The following SLC34A2 variants were observed in gnomAD, a reference collection of about 807,000 sequenced individuals.
The protein encoded by SLC34A2 is solute carrier family 34 member 2, also known as sodium-dependent phosphate transport protein 2B.
A neutral mutation model predicts 50.8 loss-of-function variants in SLC34A2; 41 were observed. The ratio of observed to expected loss-of-function variants is 0.81; its 90% CI spans 0.63 to 1.05. SLC34A2 has a LOEUF of 1.05. Ranked by LOEUF, SLC34A2 falls within the 50% of genes least tolerant of loss-of-function variation. The pLI is 0.00. For missense variants in SLC34A2, 879 were observed against 876.7 expected (o/e 1.00, Z -0.03); for synonymous variants, 401 against 364.2 (o/e 1.10, Z -1.15).
intron 12 of SLC34A2, 52 bp from the exon 13 acceptor site, chr4:25,676,083 C>T (rs1357315923): frequency 2.5e-6 from 4 of 1,608,418 alleles, no homozygotes; most frequent in Non-Finnish European, 2.5e-6. Flanking sequence ...CTCCCTACTG[C>T]CACCCGCATT....
Position 25,664,708 on chromosome 4 carries a change from G to A in SLC34A2, c.379+378G>A, listed in dbSNP as rs138896130. Among the ~76,000 whole-genome samples, 8 of 152,264 alleles carry A rather than the reference G, an allele frequency of 5.3e-5. No homozygotes were observed. The East Asian group carries it at 1.2e-3, about 22-fold the overall frequency. On this transcript the variant is annotated intron_variant, in intron 4 of 12. Transcript: ENST00000382051. Reference sequence around the variant, plus strand: ...AGAAAGAGTGCCCTTTCAAATATGGGCCCTTGCTGGGGGAAGGACAGGGCC... The same window carrying A: ...AGAAAGAGTGCCCTTTCAAATATGGACCCTTGCTGGGGGAAGGACAGGGCC...
chr4:25,660,948 T>C (rs963050772), intron 1 of SLC34A2, among the ~76,000 whole-genome samples: 1 of 152,224 alleles, frequency 6.6e-6, no homozygotes, highest in Non-Finnish European at 1.5e-5. Context: ...CAAGGACTAA[T>C]TGTCTAATGT....
intron 8 of SLC34A2, 35 bp from the exon 9 acceptor site, chr4:25,671,566 C>G: frequency 6.2e-7 from 1 of 1,614,030 alleles, no homozygotes; most frequent in Non-Finnish European, 8.5e-7. Flanking sequence ...CACTAAAAGC[C>G]AGTGTTGTGG....
Position 25,676,522 on chromosome 4 carries a change from A to C in SLC34A2, c.1846A>C (p.Met616Leu). ...VVSKFTGCFQMRCCCCCRVCC... is the reference protein window; with the variant it reads ...VVSKFTGCFQLRCCCCCRVCC... ...CTCCAAGTTCACCGGCTGCTTCCAGATGCGCTGCTGCTGCTGCTGCCGCGT... is the reference window on the plus strand; with the variant it reads ...CTCCAAGTTCACCGGCTGCTTCCAGCTGCGCTGCTGCTGCTGCTGCCGCGT... The change falls in exon 13 of 13, where the codon ATG becomes CTG. Residue 616 changes from methionine to leucine, a missense_variant. Transcript: ENST00000382051. 6.2e-7 allele frequency: 1 copy of C among 1,613,940 alleles called. No individual in the cohort carries two copies. Among genetic ancestry groups the C allele is most frequent in the Non-Finnish European group, 8.5e-7 (1 of 1,179,922 alleles).
chr4:25,664,624 A>T (rs1714392624), intron 4 of SLC34A2, among the ~76,000 whole-genome samples: 1 of 152,254 alleles, frequency 6.6e-6, no homozygotes, highest in African/African-American at 2.4e-5. Context: ...AAGTTGTCTG[A>T]CATACAGACT....
Position 25,664,326 on chromosome 4 carries a change from T to A in SLC34A2, c.375T>A (p.Val125=). The change falls in exon 4 of 13, where the codon GTT becomes GTA. Residue 125 remains valine (V), a synonymous_variant. Transcript: ENST00000382051. The part of the protein sequence containing the change: ...LDILSSAFQL[V]GGKMAGQFFS... ...TTCTTAGTAGCGCCTTCCAGCTGGT[T>A]GGAGGTAAGAATGAAAGGGTGAGAG... The A allele has an allele frequency of 6.2e-7, 1 of 1,614,022 alleles. No homozygotes were observed. The highest frequency in any genetic ancestry group is 1.1e-5 in the South Asian group (1 of 91,074).
At chr4:25,669,987 C>T in intron 7 of SLC34A2, 145 bp downstream of exon 7, 1 of 798,898 alleles carries the variant, frequency 1.3e-6, no homozygotes, top group South Asian at 1.5e-5. Flanking sequence ...CTTTGGGAGG[C>T]CGAGGCAGGT....
In SLC34A2 at chr4:25,657,090, G is replaced by A. The variant is rs28559621; in HGVS notation, c.-4+1200G>A. The stretch of plus-strand genomic sequence containing the variant: ...ATTTGGGGAATGGGTGATAAGAAAG[G>A]CGTGCTTTGTAAAAGGTTTGGATGC... On this transcript the variant is annotated intron_variant, in intron 1 of 12. Transcript: ENST00000382051. Among the ~76,000 whole-genome samples, 475 of 152,226 alleles carry A rather than the reference G, an allele frequency of 3.1e-3. 4 individuals are homozygous for A. Among genetic ancestry groups the A allele is most frequent in the African/African-American group, 0.011 (456 of 41,526 alleles).
rs557688213 is a variant in SLC34A2, at chr4:25,664,029, C to T, written c.251-173C>T. ...GCGGTAACTGCTTTGAAAGCTGCAGCGATGGCTGCTTCCCATCTGTAAGGC... is the reference window on the plus strand; with the variant it reads ...GCGGTAACTGCTTTGAAAGCTGCAGTGATGGCTGCTTCCCATCTGTAAGGC... On this transcript the variant is annotated intron_variant, in intron 3 of 12. Transcript: ENST00000382051. Among the ~76,000 whole-genome samples, 9 of 152,314 alleles carry T rather than the reference C, an allele frequency of 5.9e-5. No individual in the cohort carries two copies. In the South Asian group the frequency reaches 1.4e-3, roughly 25 times the overall value.
rs4697597 is a variant in SLC34A2 at position 25,662,622 on chromosome 4, G to T, written c.112+10G>T. 4.3e-6 allele frequency: 7 copies of T among 1,613,818 alleles called. No individual in the cohort carries two copies. Among genetic ancestry groups the T allele is most frequent in the Non-Finnish European group, 5.9e-6 (7 of 1,179,950 alleles). Reference sequence around the variant, plus strand: ...AAAGAGACCAACAAAAGTAAGTGTCGCTCGTTTGTCTGCAGATCGGCCTTT... The same window carrying T: ...AAAGAGACCAACAAAAGTAAGTGTCTCTCGTTTGTCTGCAGATCGGCCTTT... On this transcript the variant is annotated intron_variant, in intron 2 of 12. Coordinates refer to ENST00000382051, the MANE Select transcript of SLC34A2 (RefSeq NM_006424.3).
intron 6 of SLC34A2, among the ~76,000 whole-genome samples, chr4:25,669,116 G>A (rs1714674035): frequency 6.6e-6 from 1 of 151,954 alleles, no homozygotes; most frequent in African/African-American, 2.4e-5. Context: ...TTGCATAGAG[G>A]TCTTTTTAAG....
intron 6 of SLC34A2, among the ~76,000 whole-genome samples, chr4:25,668,647 A>T (rs1047118422): frequency 2.0e-5 from 3 of 151,768 alleles, no homozygotes; most frequent in Non-Finnish European, 4.4e-5. Flanking sequence ...ATCTAAAAAA[A>T]AAAAAAAAAA....
At chr4:25,657,091 C>T (rs979068616) in intron 1 of SLC34A2, among the ~76,000 whole-genome samples, 3 of 152,132 alleles carry the variant, frequency 2.0e-5, no homozygotes, top group Non-Finnish European at 4.4e-5. Context: ...ATAAGAAAGG[C>T]GTGCTTTGTA....
chr4:25,668,523 TC>T (rs1177001454), intron 6 of SLC34A2, among the ~76,000 whole-genome samples: 1 of 151,940 alleles, frequency 6.6e-6, no homozygotes, highest in Non-Finnish European at 1.5e-5. Flanking sequence ...GCGTCTGTAA[TC>T]CCAGCTACTC....
chr4:25,676,343 T>C lies in SLC34A2; in HGVS notation c.1667T>C (p.Val556Ala). 2 of 1,614,134 alleles carry C rather than the reference T, an allele frequency of 1.2e-6. No individual in the cohort carries two copies. Among genetic ancestry groups the C allele is most frequent in the Non-Finnish European group, 1.7e-6 (2 of 1,180,032 alleles). Residue 556 changes from valine to alanine, a missense_variant, in exon 13 of 13, where the codon GTT becomes GCT. By Grantham distance (64) the Val-to-Ala change is moderately conservative. Transcript: ENST00000382051. The part of the protein sequence containing the change: ...GLSLAGWRVL[V>A]GVGVPVVFII... The stretch of plus-strand genomic sequence containing the variant: ...TCGCTGGCCGGCTGGCGGGTGCTGG[T>C]TGGTGTCGGGGTTCCCGTCGTCTTC...
rs1714091439 is a variant in SLC34A2 at position 25,659,921 on chromosome 4, TGA to T, written c.-3-2574_-3-2573del. ...CATTTCTGGATCTTGTCTGCCTTGT[TGA>T]GATGATGCTGTGAATGGGAAAAAGA... On this transcript the variant is annotated intron_variant, in intron 1 of 12. Coordinates refer to ENST00000382051, the MANE Select transcript of SLC34A2 (RefSeq NM_006424.3). Among the ~76,000 whole-genome samples, 5 of 152,342 alleles carry T rather than the reference TGA, an allele frequency of 3.3e-5. No individual in the cohort carries two copies. In the South Asian group the frequency reaches 1.0e-3, roughly 32 times the overall value.
intron 1 of SLC34A2, among the ~76,000 whole-genome samples, chr4:25,660,887 T>C: frequency 6.6e-6 from 1 of 152,212 alleles, no homozygotes; most frequent in East Asian, 1.9e-4. Flanking sequence ...CATTTGTTCC[T>C]TTTCTGTGAA....
At chr4:25,672,305 C>T (rs1714860297) in intron 9 of SLC34A2, among the ~76,000 whole-genome samples, 1 of 152,138 alleles carries the variant, frequency 6.6e-6, no homozygotes, top group South Asian at 2.1e-4. Context: ...GAGACGACAA[C>T]CCGATTTGAA....
intron 1 of SLC34A2, among the ~76,000 whole-genome samples, chr4:25,659,248 T>C (rs908437234): frequency 1.3e-5 from 2 of 152,106 alleles, no homozygotes; most frequent in Non-Finnish European, 2.9e-5. Context: ...CTCAGTTTCT[T>C]TGTCTGTACA....
Sources: allele counts gnomAD v4.1 joint callset (sites outside exome capture counted in the v4.1 genomes callset), GRCh38; gene constraint gnomAD v4.1.1; transcripts MANE v1.5; gene names NCBI Gene and HGNC (gene_info 2026-07-23, HGNC 2026-07-21).